ZBTB20: variants seen among roughly 807,000 people sequenced by gnomAD.
ZBTB20 encodes zinc finger and BTB domain containing 20.
Under a neutral mutation model 56.9 loss-of-function variants are expected in ZBTB20, and 9 were observed. That is an observed-to-expected ratio of 0.16 (90% CI 0.10 to 0.28). ZBTB20 has a LOEUF of 0.28. Ranked by LOEUF, ZBTB20 falls within the 10% of genes least tolerant of loss-of-function variation. The pLI is 1.00. For synonymous variants in ZBTB20, 417 were observed against 420.7 expected, an observed-to-expected ratio of 0.99 and a Z score of 0.11; for missense variants, 655 against 1,003.0, an observed-to-expected ratio of 0.65 and a Z score of 4.69.
chr3:114,901,784 A>G (rs781427336), intron 3 of ZBTB20, among the ~76,000 whole-genome samples: 2 of 152,132 alleles, frequency 1.3e-5, no homozygotes, highest in Non-Finnish European at 2.9e-5. Context: ...AAACATGTAG[A>G]CTACCAATTA....
intron 6 of ZBTB20, among the ~76,000 whole-genome samples, chr3:114,625,157 A>G (rs2058583094): frequency 6.6e-6 from 1 of 152,046 alleles, no homozygotes. Flanking sequence ...GAAATACTGC[A>G]GGTCAAAATG....
At chr3:114,659,998 T>A (rs1353058332) in intron 6 of ZBTB20, among the ~76,000 whole-genome samples, 3 of 151,976 alleles carry the variant, frequency 2.0e-5, no homozygotes, top group Admixed American at 6.6e-5. Flanking sequence ...AAAAATTTTT[T>A]AAAAATTCTA....
intron 4 of ZBTB20, among the ~76,000 whole-genome samples, chr3:114,830,543 G>A (rs2073785494): frequency 6.6e-6 from 1 of 151,590 alleles, no homozygotes; most frequent in Non-Finnish European, 1.5e-5. Context: ...AATATACCCT[G>A]AGCACTTATT....
intron 6 of ZBTB20, among the ~76,000 whole-genome samples, chr3:114,541,396 C>T (rs2049093521): frequency 1.3e-5 from 2 of 152,012 alleles, no homozygotes. Flanking sequence ...TTGTAGAGTT[C>T]CCAGGAAAGA....
At chr3:114,464,700 T>C (rs900026067) in intron 7 of ZBTB20, among the ~76,000 whole-genome samples, 1 of 152,106 alleles carries the variant, frequency 6.6e-6, no homozygotes, top group Non-Finnish European at 1.5e-5. Context: ...AGGTTTCCCT[T>C]TGAGTCAGAG....
intron 3 of ZBTB20, among the ~76,000 whole-genome samples, chr3:114,946,261 G>A (rs559294272): frequency 6.9e-6 from 1 of 145,582 alleles, no homozygotes; most frequent in South Asian, 2.1e-4. Context: ...CTTAAACTGA[G>A]TCATATAGCA....
At chr3:114,992,864 G>T (rs1276823841) in intron 2 of ZBTB20, among the ~76,000 whole-genome samples, 1 of 151,742 alleles carries the variant, frequency 6.6e-6, no homozygotes, top group Non-Finnish European at 1.5e-5. Context: ...TGCATTATTT[G>T]GGACAGAAAA....
At chr3:114,668,532 C>G (rs1269799811) in intron 6 of ZBTB20, among the ~76,000 whole-genome samples, 1 of 151,920 alleles carries the variant, frequency 6.6e-6, no homozygotes, top group Admixed American at 6.6e-5. Context: ...GGAATAAAAC[C>G]TTGTTTGTGT....
At chr3:115,058,906 T>A (rs535701423) in intron 2 of ZBTB20, among the ~76,000 whole-genome samples, 1 of 152,342 alleles carries the variant, frequency 6.6e-6, no homozygotes, top group Admixed American at 6.5e-5. Flanking sequence ...ATTGGATAGT[T>A]TCTATTGCTA....
intron 4 of ZBTB20, among the ~76,000 whole-genome samples, chr3:114,884,717 A>T (rs1226603417): frequency 6.6e-6 from 1 of 152,216 alleles, no homozygotes; most frequent in African/African-American, 2.4e-5. Context: ...ATATTCCGAA[A>T]AAGTTCTATG....
chr3:114,909,550 CCACT>C (rs2075447163), intron 3 of ZBTB20, among the ~76,000 whole-genome samples: 1 of 151,980 alleles, frequency 6.6e-6, no homozygotes, highest in Admixed American at 6.6e-5. Context: ...CATTCATTAA[CCACT>C]CACTCACTAA....
chr3:114,586,047 C>A (rs565625523), intron 6 of ZBTB20, among the ~76,000 whole-genome samples: 2 of 152,302 alleles, frequency 1.3e-5, no homozygotes, highest in East Asian at 3.9e-4. Context: ...ATTTGTGCAA[C>A]TGGTGCGCTC....
intron 3 of ZBTB20, among the ~76,000 whole-genome samples, chr3:114,972,537 A>C (rs1039911755): frequency 5.9e-5 from 9 of 152,214 alleles, no homozygotes; most frequent in African/African-American, 1.7e-4. Flanking sequence ...GTAGAAAAAT[A>C]ATCATATTTC....
intron 6 of ZBTB20, chr3:114,687,771 A>C (rs1410379865): frequency 6.6e-6 from 1 of 152,172 alleles, no homozygotes; most frequent in Non-Finnish European, 1.5e-5. Context: ...GATTTAAAGA[A>C]AATTGTGAGA....
At chr3:115,123,859 A>G (rs2084250313) in intron 1 of ZBTB20, among the ~76,000 whole-genome samples, 1 of 152,178 alleles carries the variant, frequency 6.6e-6, no homozygotes, top group Non-Finnish European at 1.5e-5. Context: ...GGGTTTCTAA[A>G]CTATCAAAAA....
At chr3:114,971,283 C>T (rs571177805) in intron 3 of ZBTB20, among the ~76,000 whole-genome samples, 12 of 152,282 alleles carry the variant, frequency 7.9e-5, no homozygotes, top group African/African-American at 2.9e-4. Flanking sequence ...CTCCCTAAAA[C>T]TGAAGATTCT....
Sources: gnomAD v4.1 joint callset for allele counts (sites outside exome capture counted in the v4.1 genomes callset) on GRCh38, gnomAD v4.1.1 for gene constraint, MANE v1.5 for transcripts, NCBI Gene and HGNC (gene_info 2026-07-23, HGNC 2026-07-21) for gene names.